The following DNAAF4 variants were observed in gnomAD, a reference collection of about 807,000 sequenced individuals.
DNAAF4 encodes the protein dynein axonemal assembly factor 4, also known as dynein assembly factor 4, axonemal.
In DNAAF4, 43 loss-of-function variants were observed where a neutral mutation model predicts 51.8. That is an observed-to-expected ratio of 0.83 (90% confidence interval 0.65 to 1.07). The LOEUF is 1.07. DNAAF4 is among the 50% of genes least tolerant of loss of function. DNAAF4 has a pLI of 0.00. For missense variants in DNAAF4, 581 were observed against 493.0 expected (o/e 1.18, Z -1.69); for synonymous variants, 194 against 165.6 (o/e 1.17, Z -1.32).
chr15:55,470,075 G>A (rs987854323), intron 4 of DNAAF4, among the ~76,000 whole-genome samples: 3 of 150,316 alleles, frequency 2.0e-5, no homozygotes, highest in African/African-American at 4.9e-5. Flanking sequence ...TTTCTGAGAC[G>A]GAGTCTCACT....
intron 7 of DNAAF4, among the ~76,000 whole-genome samples, chr15:55,419,263 C>T (rs1366655568): frequency 1.3e-5 from 2 of 151,908 alleles, no homozygotes; most frequent in African/African-American, 4.8e-5. Flanking sequence ...CACCTTATCT[C>T]ACCCAAGCTG....
intron 6 of DNAAF4, among the ~76,000 whole-genome samples, chr15:55,443,896 T>C (rs1309992842): frequency 1.3e-5 from 2 of 152,200 alleles, no homozygotes; most frequent in Non-Finnish European, 2.9e-5. Context: ...ATGGGGTTGT[T>C]TTTTTCTTGT....
At chr15:55,446,010 A>G (rs1317815416) in intron 6 of DNAAF4, among the ~76,000 whole-genome samples, 1 of 126,964 alleles carries the variant, frequency 7.9e-6, no homozygotes, top group Non-Finnish European at 1.6e-5. Context: ...GGCCGGGCAG[A>G]GGCGCTCCTC....
Position 55,450,421 on chromosome 15 carries a change from A to T in DNAAF4, c.638-54T>A. 4 of 1,565,166 alleles carry T rather than the reference A, an allele frequency of 2.6e-6. No homozygotes were observed. The South Asian group carries it at 4.7e-5, about 18-fold the overall frequency. ...ACTTATTTCTCATTTTCTAGTTAAC[A>T]ATCAACTGATAAAGTAATTACACAT... On this transcript the variant is annotated intron_variant, in intron 5 of 9. Coordinates refer to ENST00000321149, the MANE Select transcript of DNAAF4 (RefSeq NM_130810.4).
chr15:55,495,227 AAAAAATT>A (rs934252292), intron 3 of DNAAF4: 8 of 151,520 alleles, frequency 5.3e-5, no homozygotes, highest in African/African-American at 1.9e-4. Flanking sequence ...AAAAAAAAAA[AAAAAATT>A]AAGTAAACTG....
intron 6 of DNAAF4, chr15:55,443,330 G>A (rs770326127): frequency 2.8e-5 from 28 of 1,017,554 alleles, no homozygotes; most frequent in African/African-American, 8.2e-5. Flanking sequence ...CCCAGCGTGC[G>A]GAGGCGCCTG....
At chr15:55,422,055 T>A (rs2057393165) in intron 7 of DNAAF4, among the ~76,000 whole-genome samples, 1 of 151,818 alleles carries the variant, frequency 6.6e-6, no homozygotes, top group Admixed American at 6.6e-5. Context: ...TACATATTTT[T>A]ATATATTTAC....
chr15:55,482,232 T>C lies in DNAAF4; in HGVS notation c.405+8891A>G, dbSNP rs536999819. ...AACAACAGAAGTGTTGGCAAAGATG[T>C]AAAAAAATTAGAATCATCATACATT... is the stretch of plus-strand genomic sequence containing the variant. On this transcript the variant is annotated intron_variant, in intron 4 of 9. Coordinates refer to ENST00000321149, the MANE Select transcript of DNAAF4 (RefSeq NM_130810.4). Among the ~76,000 whole-genome samples, 3 of 129,224 alleles carry C rather than the reference T, an allele frequency of 2.3e-5. No individual in the cohort carries two copies. In the South Asian group the frequency reaches 8.0e-4, roughly 34 times the overall value. The allele number at this position is 129,224 out of a possible 152,430, so 84.8% of individuals were successfully genotyped here. A position where few individuals can be genotyped will look rare whatever the true frequency, so the allele number is the denominator to read the frequency against.
At chr15:55,502,457 A>T (rs1018821184) in intron 1 of DNAAF4, among the ~76,000 whole-genome samples, 7 of 152,312 alleles carry the variant, frequency 4.6e-5, no homozygotes, top group African/African-American at 1.7e-4. Flanking sequence ...TAGCATAAAA[A>T]TGCTCAGGTT....
At chr15:55,438,226 C>G (rs2057648309) in intron 7 of DNAAF4, among the ~76,000 whole-genome samples, 1 of 151,830 alleles carries the variant, frequency 6.6e-6, no homozygotes, top group Non-Finnish European at 1.5e-5. Context: ...TGGCAGGCGC[C>G]TGTAATCCCA....
At chr15:55,454,217 C>T (rs2057982781) in intron 5 of DNAAF4, among the ~76,000 whole-genome samples, 1 of 150,346 alleles carries the variant, frequency 6.7e-6, no homozygotes, top group Non-Finnish European at 1.5e-5. Context: ...AGGGGAATTG[C>T]TTGAACCCAG....
rs2057553262 is a variant in DNAAF4 at position 55,433,926 on chromosome 15, T to TAAC, written c.1047+978_1047+979insGTT. On this transcript the variant is annotated intron_variant, in intron 8 of 9. Transcript: ENST00000321149. ...ATATTATATATAATTATATATATTA[T>TAAC]ATTATATAAAATATATATAATATAT... is the stretch of plus-strand genomic sequence containing the variant. Among the ~76,000 whole-genome samples the TAAC allele has an allele frequency of 3.0e-3, 10 of 3,294 alleles. 2 individuals carry two copies. Among genetic ancestry groups the TAAC allele is most frequent in the Admixed American group, 0.021 (2 of 96 alleles). 2.2% of individuals were successfully genotyped at this position (3,294 alleles called of 152,430 possible). A position where few individuals can be genotyped will look rare whatever the true frequency, so the allele number is the denominator to read the frequency against.
intron 7 of DNAAF4, among the ~76,000 whole-genome samples, chr15:55,438,318 G>T (rs692413): frequency 0.99 from 149,648 of 150,826 alleles, 74,248 homozygotes; most frequent in Middle Eastern, 1. Flanking sequence ...GCCATCACAC[G>T]CCAGCCTGGG....
intron 4 of DNAAF4, among the ~76,000 whole-genome samples, chr15:55,481,625 T>G (rs1022239386): frequency 6.6e-6 from 1 of 152,168 alleles, no homozygotes; most frequent in South Asian, 2.1e-4. Flanking sequence ...CCCCAATATG[T>G]AGGGACTCTG....
At chr15:55,483,956 T>C (rs914065449) in intron 4 of DNAAF4, among the ~76,000 whole-genome samples, 3 of 142,598 alleles carry the variant, frequency 2.1e-5, no homozygotes, top group African/African-American at 7.9e-5. Context: ...ATCTCAAAGA[T>C]TTAGGAAAAA....
intron 5 of DNAAF4, among the ~76,000 whole-genome samples, chr15:55,459,736 T>C (rs748037814): frequency 5.3e-5 from 8 of 151,504 alleles, no homozygotes; most frequent in African/African-American, 1.5e-4. Context: ...CAGAGTCTCC[T>C]TCTGTTGCCC....
chr15:55,498,107 T>G, intron 2 of DNAAF4, 100 bp downstream of exon 2: 1 of 1,581,482 alleles, frequency 6.3e-7, no homozygotes, highest in Non-Finnish European at 8.6e-7. Flanking sequence ...TTTAGGACGT[T>G]TATCGGCAAA....
intron 7 of DNAAF4, among the ~76,000 whole-genome samples, chr15:55,438,850 C>G (rs911971349): frequency 6.6e-6 from 1 of 151,328 alleles, no homozygotes; most frequent in African/African-American, 2.4e-5. Context: ...GCAAAAAGCC[C>G]GTTTTTATGG....
In DNAAF4 at chr15:55,498,264, G is replaced by C. The variant is rs138100130; in HGVS notation, c.66C>G (p.Pro22=). The C allele has an allele frequency of 3.1e-6, 5 of 1,613,630 alleles. No homozygotes were observed. The highest frequency in any genetic ancestry group is 1.7e-5 in the Admixed American group (1 of 59,944). The change falls in exon 2 of 10, where the codon CCC becomes CCG. Residue 22 remains proline (P), a synonymous_variant. Transcript: ENST00000321149. ...TGTCTCTGACGCACACGCCTTTGAG[G>C]GGCAGAGACAGAAAGACCGCAGTCT... is the stretch of plus-strand genomic sequence containing the variant. ...QTKTAVFLSL[P]LKGVCVRDTD...
Sources: gnomAD v4.1 joint callset for allele counts (sites outside exome capture counted in the v4.1 genomes callset) on GRCh38, gnomAD v4.1.1 for gene constraint, MANE v1.5 for transcripts, NCBI Gene and HGNC (gene_info 2026-07-23, HGNC 2026-07-21) for gene names.